The following NLRC5 variants were observed in gnomAD, a reference collection of about 807,000 sequenced individuals.
NLRC5 encodes the protein protein NLRC5.
NLRC5 carries 114 observed loss-of-function variants against 206.9 expected under a neutral mutation model. That is an observed-to-expected ratio of 0.55 (90% CI 0.47 to 0.64). The LOEUF is 0.64. Among genes scored for constraint, NLRC5 ranks in the 30% least tolerant of loss-of-function variants. The pLI is 0.00. For missense variants in NLRC5, 2,008 were observed against 2,305.5 expected, an observed-to-expected ratio of 0.87 and a Z score of 2.64; for synonymous variants, 952 against 962.8, an observed-to-expected ratio of 0.99 and a Z score of 0.21.
chr16:57,041,990 G>T lies in NLRC5; in HGVS notation c.3038G>T (p.Gly1013Val). Residue 1013 changes from glycine (G) to valine (V), a missense_variant, in exon 19 of 49, where the codon GGC (glycine) becomes GTC (valine). Coordinates refer to ENST00000688547, the MANE Select transcript of NLRC5 (RefSeq NM_001384950.1). ...CTTCTCCCCACCCCCAGCTTCTCAG[G>T]CAATGCTCTGGGGGATGAAGGTGCA... ...HLGHLHLDFS[G>V]NALGDEGAAR... 2.5e-6 allele frequency: 4 copies of T among 1,573,278 alleles called. No homozygotes were observed. The highest frequency in any genetic ancestry group is 3.4e-6 in the Non-Finnish European group (4 of 1,164,504).
In NLRC5 at chr16:57,026,631, C is replaced by G. The variant is rs750264261; in HGVS notation, c.1688C>G (p.Thr563Ser). Residue 563 changes from threonine (T) to serine (S), a missense_variant, in exon 6 of 49, where the codon ACC becomes AGC. Transcript: ENST00000688547. ...CTGGGCCTCTCAGACCACCTCCCCA[C>G]CTTCCTGGCGGGCCTGGCATCCTGC... is the stretch of plus-strand genomic sequence containing the variant. ...ARLGLSDHLP[T>S]FLAGLASCTC... is the part of the protein sequence containing the mutation. 1.2e-6 allele frequency: 2 copies of G among 1,614,230 alleles called. No homozygotes were observed. The highest frequency in any genetic ancestry group is 2.2e-5 in the East Asian group (1 of 44,890).
chr16:57,066,666 G>A (rs1446071527), intron 34 of NLRC5, 52 bp downstream of exon 34: 2 of 1,498,942 alleles, frequency 1.3e-6, no homozygotes, highest in African/African-American at 1.4e-5. Context: ...TGGGGAGGGG[G>A]CAGGGCTGCT....
intron 1 of NLRC5, chr16:57,013,628 GT>G: frequency 2.0e-6 from 2 of 1,018,942 alleles, no homozygotes; most frequent in Non-Finnish European, 3.1e-6. Context: ...CTGGGCCATT[GT>G]TTTTGCCAAT....
At chr16:57,014,795 A>G (rs12928552) in intron 1 of NLRC5, among the ~76,000 whole-genome samples, 9,610 of 152,280 alleles carry the variant, frequency 0.063, 337 homozygotes, top group South Asian at 0.093. Flanking sequence ...GAAGTCCCCA[A>G]TCAGGGAGCC....
chr16:57,021,730 G>A (rs1326892590), intron 3 of NLRC5, among the ~76,000 whole-genome samples: 8 of 152,128 alleles, frequency 5.3e-5, no homozygotes, highest in African/African-American at 7.2e-5. Context: ...GACGGGGAGC[G>A]CCTTCTGCCC....
In NLRC5 at chr16:57,082,402, A is replaced by G; in HGVS notation, c.5490-15A>G. On this transcript the variant is annotated splice_polypyrimidine_tract_variant and intron_variant, in intron 48 of 48. Transcript: ENST00000688547. ...GATGGGAGGATGAATGAGTGCCTATATCTGTGCCCCACAGCCTCTGGAATA... is the reference window on the plus strand; with the variant it reads ...GATGGGAGGATGAATGAGTGCCTATGTCTGTGCCCCACAGCCTCTGGAATA... 3 of 1,592,468 alleles carry G rather than the reference A, an allele frequency of 1.9e-6. No homozygotes were observed. Among genetic ancestry groups the G allele is most frequent in the Non-Finnish European group, 8.6e-7 (1 of 1,163,066 alleles).
intron 1 of NLRC5, among the ~76,000 whole-genome samples, chr16:57,001,278 T>A (rs940356707): frequency 6.6e-6 from 1 of 152,182 alleles, no homozygotes; most frequent in Non-Finnish European, 1.5e-5. Context: ...TGTCCAAATG[T>A]CTGTAGTCAT....
intron 39 of NLRC5, among the ~76,000 whole-genome samples, chr16:57,075,141 C>T (rs1046826681): frequency 1.3e-5 from 2 of 149,676 alleles, no homozygotes; most frequent in African/African-American, 4.9e-5. Context: ...CCTGGGCGAA[C>T]GTGATCCTCC....
chr16:56,998,294 A>T (rs1819532987), intron 1 of NLRC5, among the ~76,000 whole-genome samples: 1 of 151,954 alleles, frequency 6.6e-6, no homozygotes, highest in Non-Finnish European at 1.5e-5. Flanking sequence ...CTTTTTATAC[A>T]TAAAGCTGAT....
At chr16:57,001,464 G>A (rs2058237412) in intron 1 of NLRC5, among the ~76,000 whole-genome samples, 1 of 152,194 alleles carries the variant, frequency 6.6e-6, no homozygotes, top group Admixed American at 6.5e-5. Flanking sequence ...AGAAGTCTGT[G>A]GCTCCACTCC....
chr16:57,032,165 T>C (rs1032149702), intron 11 of NLRC5, among the ~76,000 whole-genome samples: 6 of 152,068 alleles, frequency 3.9e-5, no homozygotes, highest in African/African-American at 1.4e-4. Flanking sequence ...ATCCTAGCAC[T>C]TTGGAACGCC....
At chr16:57,040,199 G>A in intron 16 of NLRC5, among the ~76,000 whole-genome samples, 1 of 152,158 alleles carries the variant, frequency 6.6e-6, no homozygotes, top group Non-Finnish European at 1.5e-5. Context: ...CGGAACTTCT[G>A]TATCCCTTTC....
chr16:57,036,324 T>C lies in NLRC5; in HGVS notation c.2711+141T>C, dbSNP rs2062572549. ...CAACTCCAGCAAAGTCAAGATGGTTTGACCATGCCTTGCCTTCACCTCCGG... is the reference window on the plus strand; with the variant it reads ...CAACTCCAGCAAAGTCAAGATGGTTCGACCATGCCTTGCCTTCACCTCCGG... On this transcript the variant is annotated intron_variant, in intron 14 of 48. Transcript: ENST00000688547. 7 of 750,880 alleles carry C rather than the reference T, an allele frequency of 9.3e-6. No individual in the cohort carries two copies. The Admixed American group carries it at 1.5e-4, about 16-fold the overall frequency. The allele number at this position is 750,880 out of a possible 1,614,324, so 46.5% of individuals were successfully genotyped here.
At chr16:57,045,604 C>T in intron 21 of NLRC5, 112 bp downstream of exon 21, 2 of 968,986 alleles carry the variant, frequency 2.1e-6, no homozygotes, top group Admixed American at 3.9e-5. Flanking sequence ...AGTTAAACCA[C>T]CCAAGTCCGG....
At chr16:57,016,360 C>T (rs187358461) in intron 1 of NLRC5, among the ~76,000 whole-genome samples, 73 of 152,308 alleles carry the variant, frequency 4.8e-4, no homozygotes, top group South Asian at 1.0e-3. Context: ...GCCCTATTTA[C>T]GTGGATTTGT....
intron 14 of NLRC5, 126 bp from the exon 15 acceptor site, chr16:57,037,069 G>T: frequency 1.3e-6 from 1 of 786,100 alleles, no homozygotes; most frequent in Non-Finnish European, 2.2e-6. Flanking sequence ...AGATCCCCTG[G>T]CAAGGGACCT....
intron 19 of NLRC5, 50 bp from the exon 20 acceptor site, chr16:57,043,465 T>G: frequency 1.5e-6 from 2 of 1,346,500 alleles, no homozygotes; most frequent in Non-Finnish European, 2.1e-6. Flanking sequence ...ACAAAGAGGA[T>G]GTGTTTGGGT....
At chr16:57,009,284 C>T (rs1247625640) in intron 1 of NLRC5, among the ~76,000 whole-genome samples, 2 of 149,536 alleles carry the variant, frequency 1.3e-5, no homozygotes, top group Non-Finnish European at 3.0e-5. Context: ...GAGTGAGATT[C>T]CGTCTCAAAA....
intron 1 of NLRC5, among the ~76,000 whole-genome samples, chr16:56,997,286 C>G (rs1253455496): frequency 6.6e-6 from 1 of 152,100 alleles, no homozygotes; most frequent in Non-Finnish European, 1.5e-5. Flanking sequence ...TGGGGAGGTG[C>G]AGGTGGAATA....
Sources: allele counts gnomAD v4.1 joint callset (sites outside exome capture counted in the v4.1 genomes callset), GRCh38; gene constraint gnomAD v4.1.1; transcripts MANE v1.5; gene names NCBI Gene and HGNC (gene_info 2026-07-23, HGNC 2026-07-21).